Variants in TBC1D7 observed in about 807,000 individuals in gnomAD.
TBC1D7 encodes the protein TBC domain family 7.
In TBC1D7, 33 loss-of-function variants were observed where a neutral mutation model predicts 35.3. The ratio of observed to expected loss-of-function variants is 0.93; its 90% CI spans 0.71 to 1.25. The LOEUF (loss-of-function observed/expected upper bound fraction) is 1.25. Ranked by LOEUF, TBC1D7 falls within the 50% of genes most tolerant of loss-of-function variation. The probability of loss-of-function intolerance (pLI) is 0.00; values close to 1 mark genes in which losing one functional copy is unlikely to be tolerated. For missense variants in TBC1D7, 362 were observed against 365.3 expected (o/e 0.99, Z 0.07); for synonymous variants, 135 against 129.5 (o/e 1.04, Z -0.29).
intron 4 of TBC1D7, 141 bp from the exon 5 acceptor site, chr6:13,316,849 T>TC: frequency 9.7e-7 from 1 of 1,026,308 alleles, no homozygotes; most frequent in Non-Finnish European, 1.4e-6. Context: ...AAGCACAGAG[T>TC]CCCTCCCTGA....
chr6:13,316,487 G>A (rs1783626304), intron 5 of TBC1D7, 84 bp downstream of exon 5: 2 of 1,408,978 alleles, frequency 1.4e-6, no homozygotes, highest in Admixed American at 2.1e-5. Flanking sequence ...AATTGCAGCA[G>A]CCCCAGGAGG....
chr6:13,325,946 T>C (rs1343743863), intron 2 of TBC1D7, among the ~76,000 whole-genome samples: 1 of 152,178 alleles, frequency 6.6e-6, no homozygotes, highest in Non-Finnish European at 1.5e-5. Context: ...TCAATTCCTC[T>C]ACTTATCAAA....
At position 13,316,426 on chromosome 6, in the gene TBC1D7, T is replaced by C. The variant is rs860266; in HGVS notation, c.519+145A>G. 0.39 allele frequency: 330,319 copies of C among 841,392 alleles called. 68,520 individuals are homozygous for C. The highest frequency in any genetic ancestry group is 0.61 in the East Asian group (24,711 of 40,542). 52.1% of individuals were successfully genotyped at this position (841,392 alleles called of 1,614,324 possible). A position where few individuals can be genotyped will look rare whatever the true frequency, so the allele number is the denominator to read the frequency against. ...CCAAGCTGGAAATATTTAGATTATA[T>C]GGACTTTTACAGAAAACGCTTGCTG... is the stretch of plus-strand genomic sequence containing the variant. On this transcript the variant is annotated intron_variant, in intron 5 of 7. Transcript: ENST00000379300.
intron 5 of TBC1D7, among the ~76,000 whole-genome samples, chr6:13,312,708 A>G (rs894237013): frequency 1.1e-4 from 16 of 150,922 alleles, no homozygotes; most frequent in Non-Finnish European, 1.8e-4. Context: ...AAAAAAAAAA[A>G]GTTAGGAGAA....
chr6:13,316,657 C>T lies in TBC1D7; in HGVS notation c.433G>A (p.Val145Met). 1.9e-6 allele frequency: 3 copies of T among 1,614,128 alleles called. No individual in the cohort carries two copies. The highest frequency in any genetic ancestry group is 2.5e-6 in the Non-Finnish European group (3 of 1,179,976). Residue 145 changes from valine to methionine, a missense_variant, in exon 5 of 8, where the codon GTG (valine) becomes ATG (methionine). By Grantham distance (21) the Val-to-Met change is conservative. Transcript: ENST00000379300. ...CAGTAACAGTCGACACTATCTTCCA[C>T]CATTTCCTCCATGGCTTTAGCTATG... ...LAIAKAMEEM[V>M]EDSVDCYWIT... is the part of the protein sequence containing the mutation.
intron 5 of TBC1D7, among the ~76,000 whole-genome samples, chr6:13,312,760 G>A (rs1320693798): frequency 6.7e-6 from 1 of 148,984 alleles, no homozygotes; most frequent in African/African-American, 2.5e-5. Flanking sequence ...GGTTGGAAAG[G>A]GCTAATTAAC....
At chr6:13,324,159 G>C (rs972274738) in intron 3 of TBC1D7, among the ~76,000 whole-genome samples, 1 of 150,706 alleles carries the variant, frequency 6.6e-6, no homozygotes, top group Non-Finnish European at 1.5e-5. Flanking sequence ...ACGGAGTCTC[G>C]CTCTGTCGCC....
At position 13,307,618 on chromosome 6, in the gene TBC1D7, G is replaced by A; in HGVS notation, c.647C>T (p.Pro216Leu). Residue 216 changes from proline to leucine, a missense_variant, in exon 6 of 8, where the codon CCT becomes CTT. Physicochemically the swap from Pro to Leu is moderately conservative, Grantham distance 98 (BLOSUM62 -3). Transcript: ENST00000379300. ...TACTTGCCTCTGTAAACTGGATTCA[G>A]GCAAACATCCCGCAAAGCACCTCTT... The part of the protein sequence containing the change: ...WFKRCFAGCL[P>L]ESSLQRVWDK... 1 of 1,614,126 alleles carries A rather than the reference G, an allele frequency of 6.2e-7. No homozygotes were observed.
At chr6:13,316,384 A>G (rs2127533479) in intron 5 of TBC1D7, among the ~76,000 whole-genome samples, 187 bp downstream of exon 5, 1 of 152,332 alleles carries the variant, frequency 6.6e-6, no homozygotes, top group Admixed American at 6.5e-5. Flanking sequence ...TGGTTACAAT[A>G]GAGACCATCT....
chr6:13,322,513 C>G (rs952483307), intron 3 of TBC1D7, among the ~76,000 whole-genome samples: 2 of 152,098 alleles, frequency 1.3e-5, no homozygotes, highest in Admixed American at 6.5e-5. Flanking sequence ...TCAACACACA[C>G]AAAGCATTCA....
intron 3 of TBC1D7, 21 bp from the exon 4 acceptor site, chr6:13,321,116 GAAA>G (rs1215263394): frequency 1.3e-6 from 2 of 1,582,304 alleles, no homozygotes; most frequent in Non-Finnish European, 1.7e-6. Flanking sequence ...CAGGAAAAAC[GAAA>G]AAAGGACAAA....
chr6:13,316,191 C>T (rs567481784), intron 5 of TBC1D7, among the ~76,000 whole-genome samples: 1 of 152,308 alleles, frequency 6.6e-6, no homozygotes, highest in Non-Finnish European at 1.5e-5. Context: ...CCATTATATG[C>T]AGCCAAATGA....
In TBC1D7 at chr6:13,326,793, G is replaced by A. The variant is rs767261501; in HGVS notation, c.106C>T (p.Arg36Cys). ...KSLEILLKDD[R>C]LDTEKLCTFS... ...AATTTTTAAAAGTACTCACCCAGAC[G>A]GTCATCTTTTAGGAGAATTTCTAAT... The change falls in exon 2 of 8, where the codon CGT becomes TGT. Residue 36 changes from arginine to cysteine, a missense_variant. Coordinates refer to ENST00000379300, the MANE Select transcript of TBC1D7 (RefSeq NM_016495.6). 8.7e-6 allele frequency: 14 copies of A among 1,604,336 alleles called. No homozygotes were observed. Among genetic ancestry groups the A allele is most frequent in the East Asian group, 2.2e-5 (1 of 44,710 alleles).
At chr6:13,305,625 G>T in intron 7 of TBC1D7, 1 of 167,862 alleles carries the variant, frequency 6.0e-6, no homozygotes, top group Non-Finnish European at 1.3e-5. Flanking sequence ...TAATTTACCA[G>T]GCCATTTTTC....
chr6:13,313,499 G>C (rs571152233), intron 5 of TBC1D7, among the ~76,000 whole-genome samples: 1 of 152,270 alleles, frequency 6.6e-6, no homozygotes, highest in Admixed American at 6.5e-5. Flanking sequence ...TAAATGAATA[G>C]ATTTTAAATA....
intron 2 of TBC1D7, among the ~76,000 whole-genome samples, 193 bp downstream of exon 2, chr6:13,326,593 CT>C (rs768110207): frequency 3.9e-5 from 6 of 152,186 alleles, no homozygotes; most frequent in African/African-American, 9.6e-5. Context: ...CTTAAGAAAC[CT>C]TTCAAAAACT....
In TBC1D7 at chr6:13,307,851, T is replaced by C. The variant is rs2439538; in HGVS notation, c.520-106A>G. ...AGTACATGCTGAATTCAAGGAAGTA[T>C]TAGAAAACAAAACTTCAGAATTATC... is the stretch of plus-strand genomic sequence containing the variant. On this transcript the variant is annotated intron_variant, in intron 5 of 7. Transcript: ENST00000379300. 0.39 allele frequency: 482,609 copies of C among 1,222,958 alleles called. 99,127 individuals are homozygous for C. The highest frequency in any genetic ancestry group is 0.58 in the East Asian group (23,901 of 41,390). The allele number at this position is 1,222,958 out of a possible 1,614,324, so 75.8% of individuals were successfully genotyped here. A position where few individuals can be genotyped will look rare whatever the true frequency, so the allele number is the denominator to read the frequency against.
chr6:13,316,854 C>CTT, intron 4 of TBC1D7, 146 bp from the exon 5 acceptor site: 6 of 938,576 alleles, frequency 6.4e-6, no homozygotes, highest in Non-Finnish European at 7.9e-6. Context: ...CAGAGTCCCT[C>CTT]CCTGAAGAGG....
At chr6:13,307,245 T>C (rs910488312) in intron 6 of TBC1D7, 3 of 196,628 alleles carry the variant, frequency 1.5e-5, no homozygotes, top group African/African-American at 2.4e-5. Context: ...AGTCAAATCT[T>C]TGACTGCTTT....
Sources: allele counts gnomAD v4.1 joint callset (sites outside exome capture counted in the v4.1 genomes callset), GRCh38; gene constraint gnomAD v4.1.1; transcripts MANE v1.5; gene names NCBI Gene and HGNC (gene_info 2026-07-23, HGNC 2026-07-21).